RAPGEF2: variants seen among roughly 807,000 people sequenced by gnomAD.
The protein encoded by RAPGEF2 is Rap guanine nucleotide exchange factor 2.
In RAPGEF2, 54 loss-of-function variants were observed where a neutral mutation model predicts 186.7. That is an observed-to-expected ratio of 0.29 (90% CI 0.23 to 0.36). The LOEUF (loss-of-function observed/expected upper bound fraction) is 0.36. Ranked by LOEUF, RAPGEF2 falls within the 10% of genes least tolerant of loss-of-function variation. The pLI is 1.00. For missense variants in RAPGEF2, 1,532 were observed against 2,045.0 expected, an observed-to-expected ratio of 0.75 and a Z score of 4.84; for synonymous variants, 712 against 705.9, an observed-to-expected ratio of 1.01 and a Z score of -0.14.
Position 159,314,702 on chromosome 4 carries a change from A to G in RAPGEF2, c.787A>G (p.Met263Val). The G allele has an allele frequency of 6.2e-7, 1 of 1,614,032 alleles. No homozygotes were observed. The highest frequency in any genetic ancestry group is 8.5e-7 in the Non-Finnish European group (1 of 1,179,952). Residue 263 changes from methionine to valine, a missense_variant, in exon 9 of 30, where the codon ATG becomes GTG. By Grantham distance (21) the Met-to-Val change is conservative (BLOSUM62 1). This residue lies in a region of RAPGEF2 where 810 missense variants were observed against 1,210.5 expected (regional missense o/e 0.67). Transcript: ENST00000691494. ...EDIERASDPL[M>V]SRDIVRDCLE... ...CATTGAGAGAGCATCAGATCCTCTG[A>G]TGAGCAGGGACATTGTGAGAGACTG...
intron 7 of RAPGEF2, among the ~76,000 whole-genome samples, chr4:159,299,896 A>C (rs1391739207): frequency 6.6e-6 from 1 of 151,834 alleles, no homozygotes; most frequent in African/African-American, 2.4e-5. Context: ...AAAAAAAGCT[A>C]TTATACAAAT....
At chr4:159,201,977 A>G (rs1318690116) in intron 3 of RAPGEF2, among the ~76,000 whole-genome samples, 3 of 152,038 alleles carry the variant, frequency 2.0e-5, no homozygotes, top group Admixed American at 6.5e-5. Flanking sequence ...TTTGAATGTG[A>G]TACTGTGCGG....
intron 1 of RAPGEF2, among the ~76,000 whole-genome samples, chr4:159,182,386 C>CTTTTTTTTTTTTTTTTTTTTT (rs575743979): frequency 3.5e-5 from 3 of 85,690 alleles, no homozygotes; most frequent in Non-Finnish European, 6.6e-5. Context: ...TTCTTTTCTT[C>CTTTTTTTTTTTTTTTTTTTTT]TTTTTTTTTT....
chr4:159,254,091 A>T (rs543175592), intron 7 of RAPGEF2, among the ~76,000 whole-genome samples: 1 of 152,366 alleles, frequency 6.6e-6, no homozygotes, highest in Non-Finnish European at 1.5e-5. Context: ...AGAATATTAA[A>T]AGGACGTATA....
At chr4:159,341,242 A>G (rs1729433164) in intron 19 of RAPGEF2, among the ~76,000 whole-genome samples, 1 of 152,198 alleles carries the variant, frequency 6.6e-6, no homozygotes, top group African/African-American at 2.4e-5. Context: ...TTTTTAAACT[A>G]AAAATGTGGA....
intron 1 of RAPGEF2, among the ~76,000 whole-genome samples, chr4:159,124,904 A>T (rs895927424): frequency 6.6e-6 from 1 of 152,224 alleles, no homozygotes; most frequent in Non-Finnish European, 1.5e-5. Flanking sequence ...TCATCTGTTA[A>T]TGTTCATCCA....
At chr4:159,168,300 A>G (rs994714923) in intron 1 of RAPGEF2, among the ~76,000 whole-genome samples, 2 of 152,158 alleles carry the variant, frequency 1.3e-5, no homozygotes, top group African/African-American at 4.8e-5. Flanking sequence ...AGGAATTACT[A>G]CTAATTACAA....
At chr4:159,237,485 A>AG (rs1251973195) in intron 4 of RAPGEF2, among the ~76,000 whole-genome samples, 2 of 152,134 alleles carry the variant, frequency 1.3e-5, no homozygotes, top group Non-Finnish European at 2.9e-5. Context: ...AGATGATAGA[A>AG]GGAGAATGTT....
chr4:159,128,769 A>G (rs976597236), intron 1 of RAPGEF2: 1 of 150,470 alleles, frequency 6.6e-6, no homozygotes, highest in Non-Finnish European at 1.5e-5. Context: ...AGTTTTGATC[A>G]TTTTATTTAA....
intron 6 of RAPGEF2, among the ~76,000 whole-genome samples, chr4:159,242,291 T>C (rs1754109886): frequency 6.6e-6 from 1 of 151,608 alleles, no homozygotes; most frequent in South Asian, 2.1e-4. Flanking sequence ...AATAAAAATA[T>C]AAAAAATAAA....
intron 28 of RAPGEF2, among the ~76,000 whole-genome samples, chr4:159,354,281 T>G (rs1052543824): frequency 1.7e-4 from 26 of 152,344 alleles, no homozygotes; most frequent in African/African-American, 6.3e-4. Flanking sequence ...TCAATAAATC[T>G]TAGCTATCAG....
At chr4:159,177,454 G>A (rs1561048477) in intron 1 of RAPGEF2, among the ~76,000 whole-genome samples, 1 of 152,248 alleles carries the variant, frequency 6.6e-6, no homozygotes, top group Middle Eastern at 3.4e-3. Flanking sequence ...TAGTTGCATA[G>A]ATATTATTCA....
chr4:159,292,220 A>C (rs188232259), intron 7 of RAPGEF2, among the ~76,000 whole-genome samples: 6 of 152,294 alleles, frequency 3.9e-5, no homozygotes, highest in Non-Finnish European at 1.5e-5. Flanking sequence ...ACCCCTGAAT[A>C]TCTCTCTGCC....
intron 2 of RAPGEF2, among the ~76,000 whole-genome samples, chr4:159,190,666 G>C (rs1748030666): frequency 6.6e-6 from 1 of 152,160 alleles, no homozygotes; most frequent in Non-Finnish European, 1.5e-5. Context: ...AGAAGGGGAA[G>C]CAAACACATC....
intron 7 of RAPGEF2, among the ~76,000 whole-genome samples, chr4:159,269,643 T>A (rs1249066626): frequency 6.6e-6 from 1 of 152,202 alleles, no homozygotes; most frequent in African/African-American, 2.4e-5. Flanking sequence ...CTTTTTCATA[T>A]GTCTTTTCTT....
chr4:159,247,055 A>G (rs1754719011), intron 7 of RAPGEF2, among the ~76,000 whole-genome samples: 1 of 152,184 alleles, frequency 6.6e-6, no homozygotes, highest in Non-Finnish European at 1.5e-5. Context: ...AATTTATCAA[A>G]CATTTGTTTG....
intron 4 of RAPGEF2, among the ~76,000 whole-genome samples, chr4:159,230,305 C>A (rs987925190): frequency 6.6e-6 from 1 of 152,108 alleles, no homozygotes; most frequent in Admixed American, 6.5e-5. Context: ...AACTGTTAAC[C>A]TACATCTTTC....
intron 1 of RAPGEF2, among the ~76,000 whole-genome samples, chr4:159,161,342 A>G (rs539858839): frequency 3.9e-4 from 60 of 152,348 alleles, no homozygotes; most frequent in African/African-American, 1.3e-3. Context: ...TGTATTTTCA[A>G]AAATTTGTAT....
chr4:159,164,006 T>TA (rs1745000634), intron 1 of RAPGEF2, among the ~76,000 whole-genome samples: 1 of 151,940 alleles, frequency 6.6e-6, no homozygotes, highest in African/African-American at 2.4e-5. Context: ...GTAGTACTGG[T>TA]AGTTTTTTTT....
Sources: gnomAD v4.1 joint callset for allele counts (sites outside exome capture counted in the v4.1 genomes callset) on GRCh38, gnomAD v4.1.1 for gene constraint, gnomAD v4.1.1 regional missense constraint, MANE v1.5 for transcripts, NCBI Gene and HGNC (gene_info 2026-07-23, HGNC 2026-07-21) for gene names.